The following CDH18 variants were observed in gnomAD, a reference collection of about 807,000 sequenced individuals.
CDH18 encodes the protein cadherin-18.
In CDH18, 31 loss-of-function variants were observed where a neutral mutation model predicts 67.9. The observed-to-expected ratio is 0.46, with a 90% CI of 0.34 to 0.62. The LOEUF (loss-of-function observed/expected upper bound fraction) is 0.62, where lower values mean the gene tolerates loss of function less well. CDH18 is among the 20% of genes least tolerant of loss of function. The pLI is 0.01. For missense variants in CDH18, 890 were observed against 975.5 expected, an observed-to-expected ratio of 0.91 and a Z score of 1.17; for synonymous variants, 362 against 347.2, an observed-to-expected ratio of 1.04 and a Z score of -0.48.
At chr5:19,884,386 A>G (rs62352215) in intron 2 of CDH18, among the ~76,000 whole-genome samples, 48,313 of 151,964 alleles carry the variant, frequency 0.32, 8,459 homozygotes, top group South Asian at 0.41. Flanking sequence ...TTAGAAATAT[A>G]GAAAAGTTAT....
At chr5:19,626,446 A>G (rs1751558154) in intron 5 of CDH18, among the ~76,000 whole-genome samples, 1 of 152,200 alleles carries the variant, frequency 6.6e-6, no homozygotes, top group Non-Finnish European at 1.5e-5. Flanking sequence ...GTGTGAGATC[A>G]TGAAGAGTGG....
chr5:19,581,513 T>A (rs954175009), intron 7 of CDH18, among the ~76,000 whole-genome samples: 1 of 151,936 alleles, frequency 6.6e-6, no homozygotes, highest in Admixed American at 6.6e-5. Flanking sequence ...GAAAATGCTG[T>A]TTAGCCAAGT....
At chr5:20,025,178 C>T (rs1208473341) in intron 2 of CDH18, among the ~76,000 whole-genome samples, 1 of 152,164 alleles carries the variant, frequency 6.6e-6, no homozygotes, top group Admixed American at 6.5e-5. Flanking sequence ...CAGTAGCAGA[C>T]ACTCCCTCTT....
chr5:20,408,776 C>G (rs936523249), intron 1 of CDH18, among the ~76,000 whole-genome samples: 3 of 151,518 alleles, frequency 2.0e-5, no homozygotes, highest in Non-Finnish European at 4.4e-5. Context: ...AAAGACACAC[C>G]AATAAAACAT....
At chr5:19,989,159 C>A (rs1232348395), upstream of CDH18, among the ~76,000 whole-genome samples, 2 of 152,172 alleles carry the variant, frequency 1.3e-5, no homozygotes. Context: ...TTGAGCACAT[C>A]AAGCATCCTT....
At chr5:20,054,133 T>A (rs1402902936) in intron 2 of CDH18, among the ~76,000 whole-genome samples, 1 of 152,180 alleles carries the variant, frequency 6.6e-6, no homozygotes, top group Non-Finnish European at 1.5e-5. Flanking sequence ...ATATTTCATA[T>A]ACTCATTATT....
At chr5:20,338,356 C>G (rs1408901695) in intron 1 of CDH18, among the ~76,000 whole-genome samples, 2 of 152,204 alleles carry the variant, frequency 1.3e-5, no homozygotes, top group African/African-American at 2.4e-5. Flanking sequence ...GGAAAAGTTA[C>G]AGCCAAACAT....
At chr5:20,488,003 C>T (rs1456522926) in intron 1 of CDH18, among the ~76,000 whole-genome samples, 1 of 152,096 alleles carries the variant, frequency 6.6e-6, no homozygotes. Flanking sequence ...GATGGCCCAT[C>T]TCTCAGTGGC....
chr5:20,433,530 T>C (rs1021510061), intron 1 of CDH18, among the ~76,000 whole-genome samples: 7 of 151,878 alleles, frequency 4.6e-5, no homozygotes, highest in Non-Finnish European at 8.8e-5. Context: ...AGAGGAGTAG[T>C]TGGTGTTGTA....
intron 1 of CDH18, among the ~76,000 whole-genome samples, chr5:20,511,704 T>C (rs537094314): frequency 6.6e-6 from 1 of 152,314 alleles, no homozygotes; most frequent in Non-Finnish European, 1.5e-5. Flanking sequence ...GGACTTCAAA[T>C]ACAACATTGA....
At chr5:20,041,505 A>G (rs1286458429) in intron 2 of CDH18, among the ~76,000 whole-genome samples, 1 of 152,186 alleles carries the variant, frequency 6.6e-6, no homozygotes, top group East Asian at 1.9e-4. Flanking sequence ...TGAAATGATT[A>G]AACATTTCAG....
chr5:20,334,893 A>G (rs2150033016), intron 1 of CDH18, among the ~76,000 whole-genome samples: 1 of 152,214 alleles, frequency 6.6e-6, no homozygotes, highest in Admixed American at 6.5e-5. Flanking sequence ...ATCCAGCAGG[A>G]CAATAACAAT....
intron 5 of CDH18, among the ~76,000 whole-genome samples, chr5:19,626,757 T>A (rs916414881): frequency 2.0e-5 from 3 of 152,114 alleles, no homozygotes. Flanking sequence ...TTAGTTGTTG[T>A]TAATTGCTGA....
intron 2 of CDH18, among the ~76,000 whole-genome samples, chr5:20,164,521 CA>C (rs60282742): frequency 0.55 from 83,418 of 151,744 alleles, 22,954 homozygotes; most frequent in Middle Eastern, 0.69. Context: ...GTGATCCGTC[CA>C]GGTCGGCCTC....
chr5:20,515,831 T>C (rs10440661), intron 1 of CDH18, among the ~76,000 whole-genome samples: 73,252 of 151,848 alleles, frequency 0.48, 17,827 homozygotes, highest in East Asian at 0.58. Context: ...TGCTGGCAGA[T>C]GTCTTACTTT....
intron 5 of CDH18, among the ~76,000 whole-genome samples, chr5:19,659,391 T>A (rs946881007): frequency 2.0e-5 from 3 of 152,166 alleles, no homozygotes; most frequent in Admixed American, 1.3e-4. Flanking sequence ...AATTACTATA[T>A]GTGGATCTCA....
chr5:20,559,831 A>G (rs1010408554), intron 1 of CDH18, among the ~76,000 whole-genome samples: 1 of 152,156 alleles, frequency 6.6e-6, no homozygotes, highest in African/African-American at 2.4e-5. Context: ...CAAGAAAAGC[A>G]TTTAAAAGTT....
At chr5:20,347,009 T>C (rs540406632) in intron 1 of CDH18, among the ~76,000 whole-genome samples, 1 of 152,262 alleles carries the variant, frequency 6.6e-6, no homozygotes, top group East Asian at 1.9e-4. Flanking sequence ...TGTTAACTCC[T>C]AAGGAGAGGT....
intron 7 of CDH18, among the ~76,000 whole-genome samples, chr5:19,586,909 G>C (rs1744245168): frequency 1.3e-5 from 2 of 152,122 alleles, no homozygotes; most frequent in African/African-American, 4.8e-5. Context: ...TCTGACTGGT[G>C]TGAGATGGTA....
Sources: gnomAD v4.1 joint callset for allele counts (sites outside exome capture counted in the v4.1 genomes callset) on GRCh38, gnomAD v4.1.1 for gene constraint, MANE v1.5 for transcripts, NCBI Gene and HGNC (gene_info 2026-07-23, HGNC 2026-07-21) for gene names.